The following CSMD3 variants were observed in gnomAD, a reference collection of about 807,000 sequenced individuals.
The protein encoded by CSMD3 is CUB and sushi domain-containing protein 3.
Under a neutral mutation model 435.2 loss-of-function variants are expected in CSMD3, and 177 were observed. The observed-to-expected ratio is 0.41, with a 90% CI of 0.36 to 0.46. CSMD3 has a LOEUF of 0.46. CSMD3 is among the 20% of genes least tolerant of loss of function. The probability of loss-of-function intolerance (pLI) is 0.34; values close to 1 mark genes in which losing one functional copy is unlikely to be tolerated. For synonymous variants in CSMD3, 1,656 were observed against 1,520.5 expected (o/e 1.09, Z -2.07); for missense variants, 4,265 against 4,504.6 (o/e 0.95, Z 1.52).
chr8:113,157,118 TAAAATGGTGCAGTCACTATGG>T, intron 4 of CSMD3, among the ~76,000 whole-genome samples: 1 of 152,166 alleles, frequency 6.6e-6, no homozygotes. Flanking sequence ...GGTAGGAATA[TAAAATGGTGCAGTCACTATGG>T]AAAATGGTGT....
chr8:113,045,550 CA>C (rs534874611), intron 5 of CSMD3, among the ~76,000 whole-genome samples: 1 of 148,390 alleles, frequency 6.7e-6, no homozygotes, highest in Non-Finnish European at 1.5e-5. Context: ...CTAATTCAAA[CA>C]AAAAAAATAA....
At chr8:113,266,955 T>C (rs1458966267) in intron 3 of CSMD3, among the ~76,000 whole-genome samples, 1 of 151,574 alleles carries the variant, frequency 6.6e-6, no homozygotes, top group African/African-American at 2.4e-5. Context: ...CAAATAGACA[T>C]TTCTCAAAAG....
At chr8:112,651,168 A>G (rs1367194085) in intron 18 of CSMD3, among the ~76,000 whole-genome samples, 1 of 152,154 alleles carries the variant, frequency 6.6e-6, no homozygotes, top group Non-Finnish European at 1.5e-5. Flanking sequence ...ATAACAAGTA[A>G]TTATTTTTTT....
chr8:112,848,579 G>A (rs1465207928), intron 11 of CSMD3, among the ~76,000 whole-genome samples: 3 of 152,014 alleles, frequency 2.0e-5, no homozygotes, highest in African/African-American at 7.2e-5. Context: ...AATAAGGGAT[G>A]GGATGAAAAA....
At chr8:112,895,869 A>G (rs996155067) in intron 10 of CSMD3, among the ~76,000 whole-genome samples, 1 of 151,474 alleles carries the variant, frequency 6.6e-6, no homozygotes. Context: ...GAGATAATGC[A>G]AAACAGATGC....
chr8:113,346,791 G>A (rs766393107), intron 1 of CSMD3, among the ~76,000 whole-genome samples: 2 of 152,054 alleles, frequency 1.3e-5, no homozygotes, highest in Non-Finnish European at 2.9e-5. Flanking sequence ...ATGCTTTAAT[G>A]ATCTTATGCC....
intron 16 of CSMD3, among the ~76,000 whole-genome samples, chr8:112,667,120 C>G (rs1459668419): frequency 6.6e-6 from 1 of 152,094 alleles, no homozygotes; most frequent in Non-Finnish European, 1.5e-5. Flanking sequence ...CCAGTAAGTA[C>G]TGATTAGGTC....
At chr8:112,795,387 G>T (rs768076335) in intron 13 of CSMD3, among the ~76,000 whole-genome samples, 6 of 152,102 alleles carry the variant, frequency 3.9e-5, no homozygotes, top group Non-Finnish European at 7.4e-5. Context: ...AATGGATACA[G>T]AAAAATGTTT....
At chr8:112,714,296 C>T (rs919514459) in intron 13 of CSMD3, among the ~76,000 whole-genome samples, 3 of 148,530 alleles carry the variant, frequency 2.0e-5, no homozygotes, top group African/African-American at 7.4e-5. Context: ...ACAAAACAGA[C>T]TTTTAACCAT....
intron 7 of CSMD3, among the ~76,000 whole-genome samples, chr8:112,967,027 T>C (rs2084444426): frequency 6.6e-6 from 1 of 152,044 alleles, no homozygotes; most frequent in South Asian, 2.1e-4. Context: ...TGCTACTCAG[T>C]GTATGAGCAA....
chr8:112,600,200 AATT>A (rs1337568390), intron 22 of CSMD3, among the ~76,000 whole-genome samples: 2 of 152,170 alleles, frequency 1.3e-5, no homozygotes, highest in Non-Finnish European at 2.9e-5. Flanking sequence ...TGTACACTAT[AATT>A]ACTACTATAG....
At chr8:112,399,090 T>C (rs1831100872) in intron 35 of CSMD3, among the ~76,000 whole-genome samples, 2 of 151,898 alleles carry the variant, frequency 1.3e-5, no homozygotes, top group Admixed American at 1.3e-4. Flanking sequence ...CTAATTTTTG[T>C]ATTTTTAGTA....
chr8:112,392,639 C>T lies in CSMD3; in HGVS notation c.5810-1851G>A, dbSNP rs972258412. Among the ~76,000 whole-genome samples the T allele has an allele frequency of 4.6e-5, 7 of 150,958 alleles. No individual in the cohort carries two copies. The South Asian group carries it at 6.2e-4, about 13-fold the overall frequency. On this transcript the variant is annotated intron_variant, in intron 35 of 70. Transcript: ENST00000297405. The stretch of plus-strand genomic sequence containing the variant: ...AGATGCTCTTCCTCTCCATCGCCAC[C>T]GCCACAACTTTTCCTCATACGTACT...
chr8:113,307,937 T>C (rs1343974664), intron 2 of CSMD3, among the ~76,000 whole-genome samples: 1 of 152,170 alleles, frequency 6.6e-6, no homozygotes, highest in Non-Finnish European at 1.5e-5. Context: ...ATATTAAATC[T>C]ATATCTACCT....
chr8:113,044,783 T>G (rs2087761751), intron 5 of CSMD3, among the ~76,000 whole-genome samples: 1 of 149,060 alleles, frequency 6.7e-6, no homozygotes, highest in Non-Finnish European at 1.5e-5. Context: ...TCCCCAAATA[T>G]CCTTTGCATT....
intron 5 of CSMD3, among the ~76,000 whole-genome samples, chr8:113,057,710 A>G (rs1003754716): frequency 6.6e-6 from 1 of 151,994 alleles, no homozygotes; most frequent in African/African-American, 2.4e-5. Flanking sequence ...ACACTCCCAT[A>G]TTCTATACAT....
chr8:112,285,799 A>T (rs1819132995), intron 58 of CSMD3, among the ~76,000 whole-genome samples: 1 of 151,994 alleles, frequency 6.6e-6, no homozygotes, highest in South Asian at 2.1e-4. Context: ...GGTTCACTGC[A>T]GCCTCTGCCT....
intron 22 of CSMD3, among the ~76,000 whole-genome samples, chr8:112,590,121 A>G (rs1384973411): frequency 6.6e-6 from 1 of 151,992 alleles, no homozygotes; most frequent in Non-Finnish European, 1.5e-5. Flanking sequence ...TCTGATTTGG[A>G]AAAAATAAAT....
chr8:112,773,619 C>G (rs1479614439), intron 13 of CSMD3, among the ~76,000 whole-genome samples: 3 of 151,852 alleles, frequency 2.0e-5, no homozygotes, highest in East Asian at 1.9e-4. Context: ...AGTGAATAGA[C>G]TACAGAAAAA....
Sources: allele counts gnomAD v4.1 joint callset (sites outside exome capture counted in the v4.1 genomes callset), GRCh38; gene constraint gnomAD v4.1.1; transcripts MANE v1.5; gene names NCBI Gene and HGNC (gene_info 2026-07-23, HGNC 2026-07-21).